The following EXT1 variants were observed in gnomAD, a reference collection of about 807,000 sequenced individuals.
EXT1 encodes the protein exostosin glycosyltransferase 1.
A neutral mutation model predicts 82.5 loss-of-function variants in EXT1; 20 were observed. That is an observed-to-expected ratio of 0.24 (90% confidence interval 0.17 to 0.35). The LOEUF is 0.35. EXT1 is among the 10% of genes least tolerant of loss of function. EXT1 has a pLI of 1.00. For missense variants in EXT1, 757 were observed against 936.5 expected, an observed-to-expected ratio of 0.81 and a Z score of 2.50; for synonymous variants, 348 against 350.8, an observed-to-expected ratio of 0.99 and a Z score of 0.09.
intron 1 of EXT1, among the ~76,000 whole-genome samples, chr8:118,047,184 G>T (rs1207617020): frequency 2.0e-5 from 3 of 152,142 alleles, no homozygotes; most frequent in Non-Finnish European, 4.4e-5. Context: ...CCAGGCAAGT[G>T]TGTTTTCTGA....
intron 1 of EXT1, among the ~76,000 whole-genome samples, chr8:118,003,535 C>G (rs11562735): frequency 0.38 from 57,823 of 151,944 alleles, 11,367 homozygotes; most frequent in Admixed American, 0.46. Context: ...TTTAAAAAAT[C>G]AGTTTCCCTT....
chr8:117,861,871 C>T (rs1484033049), intron 1 of EXT1, among the ~76,000 whole-genome samples: 1 of 94,560 alleles, frequency 1.1e-5, no homozygotes, highest in Non-Finnish European at 2.8e-5. Flanking sequence ...ATCTCTGAGA[C>T]ATCTTGCAGA....
intron 1 of EXT1, among the ~76,000 whole-genome samples, chr8:117,904,418 C>G (rs1392014430): frequency 1.3e-5 from 2 of 152,088 alleles, no homozygotes; most frequent in Non-Finnish European, 2.9e-5. Context: ...CTACCATTTA[C>G]TAGATTGTAT....
At chr8:117,831,817 A>C (rs1812103913) in intron 3 of EXT1, among the ~76,000 whole-genome samples, 1 of 152,226 alleles carries the variant, frequency 6.6e-6, no homozygotes, top group South Asian at 2.1e-4. Flanking sequence ...GCTTCACAGT[A>C]AGAACAGAAG....
intron 8 of EXT1, among the ~76,000 whole-genome samples, chr8:117,809,713 G>A (rs186082661): frequency 5.9e-5 from 9 of 152,060 alleles, no homozygotes; most frequent in Admixed American, 3.3e-4. Context: ...TAGGGAGCAC[G>A]TTATCTCAAA....
intron 1 of EXT1, among the ~76,000 whole-genome samples, chr8:117,910,581 G>A (rs760341599): frequency 1.3e-5 from 2 of 152,208 alleles, no homozygotes; most frequent in Non-Finnish European, 2.9e-5. Context: ...CATGAAATAG[G>A]AGGAGGGAGG....
At chr8:118,033,962 A>G (rs1018256005) in intron 1 of EXT1, among the ~76,000 whole-genome samples, 1 of 152,232 alleles carries the variant, frequency 6.6e-6, no homozygotes, top group African/African-American at 2.4e-5. Flanking sequence ...GATGGCGAGA[A>G]GCTAAGGATT....
intron 1 of EXT1, among the ~76,000 whole-genome samples, chr8:117,931,620 C>T (rs1814063529): frequency 6.6e-6 from 1 of 151,892 alleles, no homozygotes; most frequent in African/African-American, 2.4e-5. Context: ...TTTCAGAGAT[C>T]AATAATAAAA....
intron 1 of EXT1, among the ~76,000 whole-genome samples, chr8:117,961,879 C>T (rs1158971932): frequency 6.6e-6 from 1 of 152,148 alleles, no homozygotes; most frequent in Non-Finnish European, 1.5e-5. Flanking sequence ...AACCACAGAT[C>T]TCATAGTTGA....
intron 1 of EXT1, among the ~76,000 whole-genome samples, chr8:118,050,306 C>T (rs973898763): frequency 6.6e-6 from 1 of 152,204 alleles, no homozygotes; most frequent in Non-Finnish European, 1.5e-5. Flanking sequence ...TGGCAGCATG[C>T]TATACATGTA....
At chr8:117,966,707 C>T (rs1466945321) in intron 1 of EXT1, among the ~76,000 whole-genome samples, 1 of 152,174 alleles carries the variant, frequency 6.6e-6, no homozygotes, top group Non-Finnish European at 1.5e-5. Flanking sequence ...AATAATTCTC[C>T]ATTTTGATGA....
At chr8:117,815,955 C>A (rs979352580) in intron 7 of EXT1, among the ~76,000 whole-genome samples, 181 of 134,240 alleles carry the variant, frequency 1.3e-3, no homozygotes, top group African/African-American at 3.5e-3. Flanking sequence ...AAAAAATTAA[C>A]AAACATGCCT....
chr8:118,070,024 C>T (rs567560086), intron 1 of EXT1, among the ~76,000 whole-genome samples: 177 of 152,196 alleles, frequency 1.2e-3, no homozygotes, highest in Admixed American at 3.7e-3. Context: ...TATTGAGAGC[C>T]ATGTCGTCAA....
At chr8:117,858,196 T>A (rs1812598371) in intron 1 of EXT1, among the ~76,000 whole-genome samples, 1 of 152,228 alleles carries the variant, frequency 6.6e-6, no homozygotes, top group Admixed American at 6.5e-5. Flanking sequence ...TAAACTTAGT[T>A]GACAAAGCAG....
chr8:117,829,341 C>T (rs1458535376), intron 4 of EXT1, among the ~76,000 whole-genome samples: 1 of 152,026 alleles, frequency 6.6e-6, no homozygotes, highest in African/African-American at 2.4e-5. Flanking sequence ...GCCCATCTGC[C>T]TAAAAGATTT....
intron 1 of EXT1, among the ~76,000 whole-genome samples, chr8:117,882,058 G>A (rs372554818): frequency 6.6e-6 from 1 of 152,148 alleles, no homozygotes; most frequent in African/African-American, 2.4e-5. Context: ...ACAAAACCAA[G>A]TGAGCTAGAA....
chr8:118,067,007 G>A (rs1237383587), intron 1 of EXT1, among the ~76,000 whole-genome samples: 1 of 152,210 alleles, frequency 6.6e-6, no homozygotes, highest in Non-Finnish European at 1.5e-5. Flanking sequence ...ATAGACAGCT[G>A]CCGTCTGTAA....
rs138523040 is a variant in EXT1 at position 118,102,877 on chromosome 8, G to A, written c.962+7208C>T. The stretch of plus-strand genomic sequence containing the variant: ...CTTTCTTTGAAAGACAAGGTCGGCC[G>A]GGCTTGGTGGCTCATGCCTGTAATC... On this transcript the variant is annotated intron_variant, in intron 1 of 10. Transcript: ENST00000378204. 2.0e-3 allele frequency among the ~76,000 whole-genome samples: 308 copies of A among 152,090 alleles called. 1 individual carries two copies. The highest frequency in any genetic ancestry group is 6.8e-3 in the Middle Eastern group (2 of 294).
chr8:117,868,613 G>C (rs950908065), intron 1 of EXT1, among the ~76,000 whole-genome samples: 7 of 151,756 alleles, frequency 4.6e-5, no homozygotes, highest in African/African-American at 1.7e-4. Context: ...ACCATGCCTG[G>C]CTACTTTTTT....
Sources: gnomAD v4.1 joint callset for allele counts (sites outside exome capture counted in the v4.1 genomes callset) on GRCh38, gnomAD v4.1.1 for gene constraint, MANE v1.5 for transcripts, NCBI Gene and HGNC (gene_info 2026-07-23, HGNC 2026-07-21) for gene names.